The following HMGA2 variants were observed in gnomAD, a reference collection of about 807,000 sequenced individuals.
The protein encoded by HMGA2 is high mobility group AT-hook 2, also known as high mobility group protein HMGI-C.
HMGA2 carries 8 observed loss-of-function variants against 19.1 expected under a neutral mutation model. The observed-to-expected ratio is 0.42, with a 90% CI of 0.25 to 0.76. The LOEUF (loss-of-function observed/expected upper bound fraction) is 0.76, where lower values mean the gene tolerates loss of function less well. Among genes scored for constraint, HMGA2 ranks in the 30% least tolerant of loss-of-function variants. HMGA2 has a pLI of 0.28. For missense variants in HMGA2, 109 were observed against 136.3 expected, an observed-to-expected ratio of 0.80 and a Z score of 1.00; for synonymous variants, 60 against 48.8, an observed-to-expected ratio of 1.23 and a Z score of -0.96.
intron 2 of HMGA2, among the ~76,000 whole-genome samples, chr12:65,833,778 T>C (rs924065923): frequency 2.0e-5 from 3 of 152,210 alleles, no homozygotes; most frequent in Non-Finnish European, 2.9e-5. Flanking sequence ...CCTGTGAACA[T>C]GGGCAGGTTG....
chr12:65,886,363 C>CTTT (rs766865222), intron 3 of HMGA2, among the ~76,000 whole-genome samples: 18 of 138,252 alleles, frequency 1.3e-4, no homozygotes, highest in African/African-American at 4.8e-4. Flanking sequence ...CTTTTTCTCT[C>CTTT]TTTTTTTTTT....
At chr12:65,853,155 T>C (rs745429588) in intron 3 of HMGA2, among the ~76,000 whole-genome samples, 4 of 152,012 alleles carry the variant, frequency 2.6e-5, no homozygotes, top group African/African-American at 4.8e-5. Context: ...GTTGGAAAAT[T>C]GATTGTCCTG....
At chr12:65,850,495 C>G (rs1871413956) in intron 3 of HMGA2, among the ~76,000 whole-genome samples, 1 of 150,802 alleles carries the variant, frequency 6.6e-6, no homozygotes, top group Admixed American at 6.6e-5. Context: ...CTTACATAGT[C>G]ACAGTATGAA....
intron 3 of HMGA2, among the ~76,000 whole-genome samples, chr12:65,895,127 C>A (rs972849200): frequency 6.6e-6 from 1 of 152,078 alleles, no homozygotes; most frequent in Non-Finnish European, 1.5e-5. Flanking sequence ...TCCAAAGATG[C>A]AAGTAAATAA....
chr12:65,877,797 C>T (rs1456614385), intron 3 of HMGA2, among the ~76,000 whole-genome samples: 2 of 150,862 alleles, frequency 1.3e-5, no homozygotes, highest in Non-Finnish European at 2.9e-5. Context: ...TAGGCCTCTT[C>T]CCTTTTGTCT....
intron 2 of HMGA2, among the ~76,000 whole-genome samples, chr12:65,832,218 A>C (rs1489480326): frequency 6.6e-6 from 1 of 152,024 alleles, no homozygotes; most frequent in Non-Finnish European, 1.5e-5. Context: ...AGCCTTACTT[A>C]ATGCACCAGC....
chr12:65,825,444 C>G lies in HMGA2; in HGVS notation c.111+63C>G, dbSNP rs1333781723. 1 of 1,202,704 alleles carries G rather than the reference C, an allele frequency of 8.3e-7. No homozygotes were observed. Among genetic ancestry groups the G allele is most frequent in the Middle Eastern group, 2.9e-4 (1 of 3,490 alleles). The allele number at this position is 1,202,704 out of a possible 1,614,324, so 74.5% of individuals were successfully genotyped here. On this transcript the variant is annotated intron_variant, in intron 1 of 4. Transcript: ENST00000403681. This position sits in a 1 kb window ranked among gnomAD's most constrained non-coding sequence, Gnocchi z 4.4. ...CGTCCCCACTGCCGGGGCCCAGACA[C>G]GCGCGGGGCGGCCGGAGTGCGGGAG... is the stretch of plus-strand genomic sequence containing the variant.
intron 3 of HMGA2, among the ~76,000 whole-genome samples, chr12:65,855,448 T>TCACACA (rs1272719138): frequency 1.2e-4 from 11 of 95,058 alleles, no homozygotes; most frequent in African/African-American, 5.3e-4. Context: ...TTTCTCTCTC[T>TCACACA]CTCTCTCTCT....
intron 3 of HMGA2, among the ~76,000 whole-genome samples, chr12:65,846,674 G>T (rs1298151268): frequency 1.3e-5 from 2 of 152,122 alleles, no homozygotes; most frequent in Admixed American, 6.5e-5. Context: ...CTCTTTCTTG[G>T]CTGGATCATT....
intron 3 of HMGA2, chr12:65,858,099 T>G (rs2120957609): frequency 6.5e-6 from 1 of 152,774 alleles, no homozygotes; most frequent in South Asian, 2.1e-4. Context: ...AGCCAGCCAT[T>G]AATTCTAAGG....
chr12:65,960,670 T>C (rs1011169454), intron 4 of HMGA2, among the ~76,000 whole-genome samples: 3 of 152,208 alleles, frequency 2.0e-5, no homozygotes, highest in East Asian at 1.9e-4. Flanking sequence ...GAGAGCCACA[T>C]TGCCTCCAAA....
intron 4 of HMGA2, chr12:65,957,830 G>A (rs1876645476): frequency 6.6e-6 from 1 of 152,182 alleles, no homozygotes; most frequent in East Asian, 1.9e-4. Flanking sequence ...AAGCAGGAGA[G>A]CATTTTAGGA....
In HMGA2 at chr12:65,842,930, C is replaced by T. The variant is rs923607534; in HGVS notation, c.249+4361C>T. Reference sequence around the variant, plus strand: ...AAGTTGTTAACCTCATGTATAAAATCCTCCATCCAGATGTTGCTTAGTGAT... The same window carrying T: ...AAGTTGTTAACCTCATGTATAAAATTCTCCATCCAGATGTTGCTTAGTGAT... On this transcript the variant is annotated intron_variant, in intron 3 of 4. Transcript: ENST00000403681. 6 of 1,145,064 alleles carry T rather than the reference C, an allele frequency of 5.2e-6. No homozygotes were observed. In the African/African-American group the frequency reaches 9.4e-5, roughly 18 times the overall value. 70.9% of individuals were successfully genotyped at this position (1,145,064 alleles called of 1,614,324 possible).
In HMGA2 at chr12:65,867,051, G is replaced by T. The variant is rs927557549; in HGVS notation, c.249+28482G>T. 12 of 424,230 alleles carry T rather than the reference G, an allele frequency of 2.8e-5. No individual in the cohort carries two copies. The Middle Eastern group carries it at 1.7e-3, about 60-fold the overall frequency. The allele number at this position is 424,230 out of a possible 1,614,324, so 26.3% of individuals were successfully genotyped here. On this transcript the variant is annotated intron_variant, in intron 3 of 4. Coordinates refer to ENST00000403681, the MANE Select transcript of HMGA2 (RefSeq NM_003483.6). ...AGAAGAACAAAGTAGAGAAGAAAGA[G>T]GAGAGTGTGTGAGGAAAGAAATGGC...
intron 3 of HMGA2, among the ~76,000 whole-genome samples, chr12:65,839,379 G>A (rs1055933342): frequency 1.3e-5 from 2 of 151,960 alleles, no homozygotes; most frequent in African/African-American, 4.8e-5. Context: ...GAAGGATGAG[G>A]GCATCCTTTA....
chr12:65,933,270 G>T (rs972622283), intron 3 of HMGA2, among the ~76,000 whole-genome samples: 1 of 151,932 alleles, frequency 6.6e-6, no homozygotes, highest in African/African-American at 2.4e-5. Context: ...TCGTAAACAT[G>T]GTCTCTTCAT....
chr12:65,952,589 TA>T lies in HMGA2; in HGVS notation c.282+1182del, dbSNP rs113147879. ...AAAGCTAAGAGTGGGAGAGGGGTGC[TA>T]AAAAAAACCCAGTGTTTGTGCGTCT... On this transcript the variant is annotated intron_variant, in intron 4 of 4. Coordinates refer to ENST00000403681, the MANE Select transcript of HMGA2 (RefSeq NM_003483.6). 6,184 of 1,096,822 alleles carry T rather than the reference TA, an allele frequency of 5.6e-3. 279 individuals carry two copies. The African/African-American group carries it at 0.087, about 15-fold the overall frequency. 67.9% of individuals were successfully genotyped at this position (1,096,822 alleles called of 1,614,324 possible).
intron 4 of HMGA2, chr12:65,956,941 C>A (rs1044496943): frequency 1.3e-5 from 2 of 152,314 alleles, no homozygotes; most frequent in Non-Finnish European, 2.9e-5. Flanking sequence ...AAAACCTGGT[C>A]TTTCTAAGAA....
chr12:65,838,226 G>C (rs1870816719), intron 2 of HMGA2, among the ~76,000 whole-genome samples: 1 of 152,012 alleles, frequency 6.6e-6, no homozygotes, highest in Non-Finnish European at 1.5e-5. Context: ...AAGCAAAATA[G>C]CTTTTGAAAA....
Sources: allele counts gnomAD v4.1 joint callset (sites outside exome capture counted in the v4.1 genomes callset), GRCh38; gene constraint gnomAD v4.1.1; non-coding constraint Gnocchi (gnomAD v3.1); transcripts MANE v1.5; gene names NCBI Gene and HGNC (gene_info 2026-07-23, HGNC 2026-07-21).